Variants in TMTC4 observed in about 807,000 individuals in gnomAD.
TMTC4 encodes the protein protein O-mannosyl-transferase TMTC4.
Under a neutral mutation model 86.0 loss-of-function variants are expected in TMTC4, and 65 were observed. That is an observed-to-expected ratio of 0.76 (90% CI 0.62 to 0.93). The LOEUF (loss-of-function observed/expected upper bound fraction) is 0.93, where lower values mean the gene tolerates loss of function less well. TMTC4 is among the 40% of genes least tolerant of loss of function. TMTC4 has a pLI of 0.00. For synonymous variants in TMTC4, 379 were observed against 382.5 expected (o/e 0.99, Z 0.11); for missense variants, 866 against 948.1 (o/e 0.91, Z 1.14).
intron 10 of TMTC4, 111 bp downstream of exon 10, chr13:100,636,421 A>G (rs926293059): frequency 1.1e-5 from 14 of 1,294,898 alleles, no homozygotes; most frequent in Non-Finnish European, 1.5e-5. Flanking sequence ...ATTTGAAACA[A>G]ATGTCCTTAG....
At chr13:100,664,027 G>A (rs1438561866) in intron 4 of TMTC4, among the ~76,000 whole-genome samples, 194 bp downstream of exon 4, 1 of 152,078 alleles carries the variant, frequency 6.6e-6, no homozygotes, top group Non-Finnish European at 1.5e-5. Flanking sequence ...CACCACCAAT[G>A]TGCACGTCAT....
intron 6 of TMTC4, among the ~76,000 whole-genome samples, chr13:100,644,821 CT>C (rs35998489): frequency 9.4e-5 from 14 of 149,142 alleles, no homozygotes; most frequent in Non-Finnish European, 9.0e-5. Flanking sequence ...AACGAACATA[CT>C]TTTTTTTTTT....
intron 12 of TMTC4, among the ~76,000 whole-genome samples, chr13:100,628,984 A>G (rs765554306): frequency 6.6e-6 from 1 of 152,054 alleles, no homozygotes; most frequent in Non-Finnish European, 1.5e-5. Flanking sequence ...CCCCATCTCT[A>G]CTAAAAATAC....
intron 7 of TMTC4, among the ~76,000 whole-genome samples, chr13:100,639,767 C>T (rs947427134): frequency 1.3e-5 from 2 of 151,960 alleles, no homozygotes; most frequent in South Asian, 4.2e-4. Flanking sequence ...TGGTAAAACC[C>T]TGTCTCTACT....
intron 3 of TMTC4, among the ~76,000 whole-genome samples, chr13:100,667,427 TCAAAA>T (rs1886522354): frequency 6.6e-6 from 1 of 151,708 alleles, no homozygotes; most frequent in Non-Finnish European, 1.5e-5. Context: ...AGACTCTGTC[TCAAAA>T]CAACAACAAC....
At chr13:100,629,297 G>A (rs538372743) in intron 12 of TMTC4, among the ~76,000 whole-genome samples, 2 of 152,294 alleles carry the variant, frequency 1.3e-5, no homozygotes, top group East Asian at 3.9e-4. Flanking sequence ...TGAAGTGTGG[G>A]TGCTGCTAAC....
chr13:100,674,426 T>C, intron 1 of TMTC4: 2 of 904,514 alleles, frequency 2.2e-6, no homozygotes, highest in Non-Finnish European at 2.6e-6. Context: ...GGCGCGGCTG[T>C]GCAGGCAGGG....
rs1180805150 is a variant in TMTC4 at position 100,654,470 on chromosome 13, A to G, written c.640+1911T>C. ...GTTAATAATGGAACAGCCATCACAC[A>G]TTTAAGTACCTTTAACTTTGGTGTT... On this transcript the variant is annotated intron_variant, in intron 6 of 18. Coordinates refer to ENST00000342624, the MANE Select transcript of TMTC4 (RefSeq NM_032813.5). 2.6e-5 allele frequency among the ~76,000 whole-genome samples: 4 copies of G among 152,190 alleles called. No individual in the cohort carries two copies. The South Asian group carries it at 8.3e-4, about 31-fold the overall frequency.
Position 100,637,682 on chromosome 13 carries a change from G to A in TMTC4, c.855C>T (p.Asn285=), listed in dbSNP as rs755450249. ...GGGTCATTCTGAAGAGGAGGCCCCC[G>A]TTCCTGAGCATGCCGAGATTCTGCA... is the stretch of plus-strand genomic sequence containing the variant. ...KSLENLGMLR[N]GGLLFRMTLL... The change falls in exon 9 of 19, where the codon AAC becomes AAT. Residue 285 remains asparagine, a synonymous_variant. Coordinates refer to ENST00000342624, the MANE Select transcript of TMTC4 (RefSeq NM_032813.5). 47 of 1,613,818 alleles carry A rather than the reference G, an allele frequency of 2.9e-5. No individual in the cohort carries two copies. Among genetic ancestry groups the A allele is most frequent in the South Asian group, 1.3e-4 (12 of 91,064 alleles).
chr13:100,629,892 G>T (rs1175818870), intron 12 of TMTC4, among the ~76,000 whole-genome samples: 1 of 152,112 alleles, frequency 6.6e-6, no homozygotes, highest in African/African-American at 2.4e-5. Flanking sequence ...TGAGGACACA[G>T]GGGGAAGGTG....
In TMTC4 at chr13:100,608,605, T is replaced by C. The variant is rs187179852; in HGVS notation, c.2065-2178A>G. Among the ~76,000 whole-genome samples, 105 of 152,294 alleles carry C rather than the reference T, an allele frequency of 6.9e-4. 2 individuals carry two copies. Among genetic ancestry groups the C allele is most frequent in the Admixed American group, 2.5e-3 (38 of 15,290 alleles). On this transcript the variant is annotated intron_variant, in intron 17 of 18. Transcript: ENST00000342624. ...CTGGGAGTGGGGTTGGAGGGGCCTC[T>C]TTAGAACGCAGCATCTGTGAGTATT... is the stretch of plus-strand genomic sequence containing the variant.
intron 2 of TMTC4, among the ~76,000 whole-genome samples, chr13:100,669,641 C>T (rs949656454): frequency 1.3e-5 from 2 of 152,228 alleles, no homozygotes; most frequent in East Asian, 1.9e-4. Context: ...TGTGCACAAC[C>T]CCTTTCCTCT....
chr13:100,649,082 A>T lies in TMTC4; in HGVS notation c.641-6771T>A, dbSNP rs537276656. On this transcript the variant is annotated intron_variant, in intron 6 of 18. Transcript: ENST00000342624. ...ACTGGAAAGCTTAATTTAATATTTTAAAACCATTTCATATAAATGAAAGGA... is the reference window on the plus strand; with the variant it reads ...ACTGGAAAGCTTAATTTAATATTTTTAAACCATTTCATATAAATGAAAGGA... 2.6e-5 allele frequency among the ~76,000 whole-genome samples: 4 copies of T among 152,332 alleles called. No homozygotes were observed. In the South Asian group the frequency reaches 8.3e-4, roughly 32 times the overall value.
At chr13:100,623,126 G>T (rs1879802688) in intron 15 of TMTC4, among the ~76,000 whole-genome samples, 1 of 152,196 alleles carries the variant, frequency 6.6e-6, no homozygotes, top group Non-Finnish European at 1.5e-5. Context: ...CATGGCTTCT[G>T]CTCTGACATG....
At chr13:100,609,674 T>TAC (rs796361124) in intron 17 of TMTC4, among the ~76,000 whole-genome samples, 38 of 89,494 alleles carry the variant, frequency 4.2e-4, no homozygotes, top group Non-Finnish European at 8.2e-4. Flanking sequence ...ACTAAATGTA[T>TAC]ATATATACAC....
intron 7 of TMTC4, among the ~76,000 whole-genome samples, chr13:100,640,838 C>T (rs528887542): frequency 6.6e-6 from 1 of 151,532 alleles, no homozygotes; most frequent in Non-Finnish European, 1.5e-5. Context: ...AAAAAAAATT[C>T]CATATCTTTC....
rs1426068854 is a variant in TMTC4 at position 100,605,459 on chromosome 13, A to C, written c.2135-317T>G. 6.6e-6 allele frequency among the ~76,000 whole-genome samples: 1 copy of C among 152,190 alleles called. No individual in the cohort carries two copies. Among genetic ancestry groups the C allele is most frequent in the Non-Finnish European group, 1.5e-5 (1 of 68,036 alleles). On this transcript the variant is annotated intron_variant, in intron 18 of 18. Transcript: ENST00000342624. The surrounding 1 kb of genome is among the most constrained non-coding windows in gnomAD (Gnocchi z 4.3). Reference sequence around the variant, plus strand: ...TAGTGCTGCCATGAAATTTCCAGGAAGCAAGGCTGGGTATGGGAGGTGGGG... The same window carrying C: ...TAGTGCTGCCATGAAATTTCCAGGACGCAAGGCTGGGTATGGGAGGTGGGG...
In TMTC4 at chr13:100,642,287, G is replaced by C; in HGVS notation, c.665C>G (p.Ser222Cys). Reference protein sequence around the residue: ...RESNKEGAHSSTFWVLLSIFL... With the variant: ...RESNKEGAHSCTFWVLLSIFL... ...GATACTCAGCAGCACCCAGAAGGTG[G>C]AAGAATGCGCTCCCTCCTTGTTACC... Residue 222 changes from serine to cysteine, a missense_variant, in exon 7 of 19, where the codon TCC (serine) becomes TGC (cysteine). By Grantham distance (112) the Ser-to-Cys change is moderately radical. Coordinates refer to ENST00000342624, the MANE Select transcript of TMTC4 (RefSeq NM_032813.5). 3 of 1,614,210 alleles carry C rather than the reference G, an allele frequency of 1.9e-6. No individual in the cohort carries two copies. The highest frequency in any genetic ancestry group is 2.5e-6 in the Non-Finnish European group (3 of 1,180,032).
chr13:100,626,217 A>G (rs1419486312), intron 12 of TMTC4, 67 bp from the exon 13 acceptor site: 73 of 1,484,116 alleles, frequency 4.9e-5, no homozygotes, highest in Non-Finnish European at 6.5e-5. Context: ...ACCCCATCAC[A>G]TCTTCTAACT....
Sources: allele counts gnomAD v4.1 joint callset (sites outside exome capture counted in the v4.1 genomes callset), GRCh38; gene constraint gnomAD v4.1.1; non-coding constraint Gnocchi (gnomAD v3.1); transcripts MANE v1.5; gene names NCBI Gene and HGNC (gene_info 2026-07-23, HGNC 2026-07-21).